The following LRRFIP2 variants were observed in gnomAD, a reference collection of about 807,000 sequenced individuals.
LRRFIP2 encodes leucine-rich repeat flightless-interacting protein 2.
Under a neutral mutation model 125.9 loss-of-function variants are expected in LRRFIP2, and 109 were observed. The observed-to-expected ratio is 0.87, with a 90% CI of 0.74 to 1.01. LRRFIP2 has a LOEUF of 1.01. Among genes scored for constraint, LRRFIP2 ranks in the 50% least tolerant of loss-of-function variants. LRRFIP2 has a pLI of 0.00. For missense variants in LRRFIP2, 850 were observed against 862.3 expected, an observed-to-expected ratio of 0.99 and a Z score of 0.18; for synonymous variants, 291 against 293.1, an observed-to-expected ratio of 0.99 and a Z score of 0.07.
chr3:37,113,972 C>T lies in LRRFIP2; in HGVS notation c.373-992G>A, dbSNP rs79435116. The stretch of plus-strand genomic sequence containing the variant: ...GTAGATAAGAAATCTAATCTAGGTA[C>T]GTACTACTTGCCTGAAATAAGAGAG... On this transcript the variant is annotated intron_variant, in intron 7 of 27. Transcript: ENST00000336686. 8.8e-3 allele frequency among the ~76,000 whole-genome samples: 1,343 copies of T among 152,280 alleles called. 9 individuals are homozygous for T. The highest frequency in any genetic ancestry group is 0.014 in the Non-Finnish European group (938 of 68,024).
chr3:37,146,854 A>T (rs2095867405), intron 2 of LRRFIP2, among the ~76,000 whole-genome samples: 2 of 152,228 alleles, frequency 1.3e-5, no homozygotes, highest in East Asian at 3.8e-4. Context: ...CAAAAGTAAG[A>T]ATTGACAAAT....
At chr3:37,161,179 T>TAA (rs60688555) in intron 1 of LRRFIP2, among the ~76,000 whole-genome samples, 1,532 of 88,084 alleles carry the variant, frequency 0.017, 45 homozygotes, top group African/African-American at 0.049. Flanking sequence ...CCCCATCTAC[T>TAA]AAAAAAAAAA....
In LRRFIP2 at chr3:37,072,873, G is replaced by A. The variant is rs371201638; in HGVS notation, c.1381C>T (p.Arg461Cys). The part of the protein sequence containing the change: ...QRDELIEEKQ[R>C]MQQKIDTMTK... The stretch of plus-strand genomic sequence containing the variant: ...ATGGTGTCTATTTTCTGCTGCATGC[G>A]CTGCTTCTCCTGCAGAGGAAGAGGG... Residue 461 changes from arginine (R) to cysteine (C), a missense_variant, in exon 21 of 28, where the codon CGC becomes TGC. Arg to Cys is a radical substitution (Grantham distance 180). Coordinates refer to ENST00000336686, the MANE Select transcript of LRRFIP2 (RefSeq NM_006309.4). 10 of 1,608,882 alleles carry A rather than the reference G, an allele frequency of 6.2e-6. No individual in the cohort carries two copies. The African/African-American group carries it at 6.7e-5, about 11-fold the overall frequency.
chr3:37,091,364 G>A (rs2093427208), intron 18 of LRRFIP2, 103 bp downstream of exon 18: 1 of 754,874 alleles, frequency 1.3e-6, no homozygotes, highest in Non-Finnish European at 2.1e-6. Context: ...GACAAACACT[G>A]TTAGTAAAGC....
In LRRFIP2 at chr3:37,066,485, CAG is replaced by C. The variant is rs878955635; in HGVS notation, c.1465-162_1465-161del. ...AAACAGTCAGATATGGGAGGAAATA[CAG>C]AGTTACATGGATATACATCTCCAGA... On this transcript the variant is annotated intron_variant, in intron 21 of 27. Transcript: ENST00000336686. The C allele has an allele frequency of 5.8e-4, 373 of 639,214 alleles. 6 individuals are homozygous for C. In the South Asian group the frequency reaches 6.3e-3, roughly 11 times the overall value. The allele number at this position is 639,214 out of a possible 1,614,324, so 39.6% of individuals were successfully genotyped here. A position where few individuals can be genotyped will look rare whatever the true frequency, so the allele number is the denominator to read the frequency against.
chr3:37,162,408 T>G (rs1433541004), intron 1 of LRRFIP2, among the ~76,000 whole-genome samples: 1 of 152,084 alleles, frequency 6.6e-6, no homozygotes, highest in African/African-American at 2.4e-5. Context: ...GCTTCAAGAC[T>G]TTCAAAAGTA....
At chr3:37,134,417 G>C (rs989293083) in intron 2 of LRRFIP2, among the ~76,000 whole-genome samples, 1 of 152,168 alleles carries the variant, frequency 6.6e-6, no homozygotes, top group Admixed American at 6.5e-5. Context: ...TGTGGATTTG[G>C]GGGTGGAACC....
At chr3:37,169,921 C>G (rs183199814) in intron 1 of LRRFIP2, among the ~76,000 whole-genome samples, 3 of 152,178 alleles carry the variant, frequency 2.0e-5, no homozygotes. Context: ...TTACCACTTT[C>G]TTTCACTGCT....
At chr3:37,153,778 C>CT (rs2096098036) in intron 1 of LRRFIP2, among the ~76,000 whole-genome samples, 1 of 151,822 alleles carries the variant, frequency 6.6e-6, no homozygotes, top group Non-Finnish European at 1.5e-5. Context: ...AACTTCCTGT[C>CT]TATCTTCCTT....
At chr3:37,125,120 T>C (rs2095227981) in intron 4 of LRRFIP2, among the ~76,000 whole-genome samples, 1 of 152,192 alleles carries the variant, frequency 6.6e-6, no homozygotes, top group Non-Finnish European at 1.5e-5. Context: ...ATACTCTTTG[T>C]TTTTAAACGT....
intron 2 of LRRFIP2, among the ~76,000 whole-genome samples, chr3:37,145,991 G>T (rs769005440): frequency 1.3e-5 from 2 of 152,186 alleles, no homozygotes; most frequent in African/African-American, 4.8e-5. Flanking sequence ...GCTTAGAATA[G>T]TGTTTGCTAC....
In LRRFIP2 at chr3:37,148,768, T is replaced by G. The variant is rs2095926622; in HGVS notation, c.90+126A>C. 3 of 932,758 alleles carry G rather than the reference T, an allele frequency of 3.2e-6. No homozygotes were observed. The African/African-American group carries it at 5.0e-5, about 15-fold the overall frequency. 57.8% of individuals were successfully genotyped at this position (932,758 alleles called of 1,614,324 possible). ...AACACACTATTTTAGAGACTAGCTA[T>G]AACATCTTGCTCATAATAAACATCT... On this transcript the variant is annotated intron_variant, in intron 2 of 27. Transcript: ENST00000336686.
intron 1 of LRRFIP2, among the ~76,000 whole-genome samples, chr3:37,155,220 C>T (rs1410084219): frequency 6.6e-6 from 1 of 152,122 alleles, no homozygotes; most frequent in Non-Finnish European, 1.5e-5. Flanking sequence ...TAAGAAAAAT[C>T]CAAGCACTTA....
chr3:37,059,797 A>T (rs12489874), intron 24 of LRRFIP2, among the ~76,000 whole-genome samples: 49,622 of 144,860 alleles, frequency 0.34, 9,102 homozygotes, highest in East Asian at 0.59. Context: ...AAAAAAAAAA[A>T]AATAATAATA....
rs536645097 is a variant in LRRFIP2 at position 37,065,949 on chromosome 3, G to T, written c.1567-7C>A. 6 of 1,613,926 alleles carry T rather than the reference G, an allele frequency of 3.7e-6. No individual in the cohort carries two copies. Among genetic ancestry groups the T allele is most frequent in the Non-Finnish European group, 5.1e-6 (6 of 1,179,966 alleles). Reference sequence around the variant, plus strand: ...TTATAACTAAGCCATGTTTCTGCAGGGGGGAAAAACCCACCATCACAAAAG... The same window carrying T: ...TTATAACTAAGCCATGTTTCTGCAGTGGGGAAAAACCCACCATCACAAAAG... On this transcript the variant is annotated splice_region_variant and splice_polypyrimidine_tract_variant and intron_variant, in intron 22 of 27. Coordinates refer to ENST00000336686, the MANE Select transcript of LRRFIP2 (RefSeq NM_006309.4).
chr3:37,158,375 G>A (rs1219754813), intron 1 of LRRFIP2, among the ~76,000 whole-genome samples: 9 of 152,200 alleles, frequency 5.9e-5, no homozygotes, highest in Admixed American at 5.2e-4. Context: ...GGGAGGTCAA[G>A]GCAGGTGGAT....
intron 23 of LRRFIP2, chr3:37,065,571 A>G (rs1559676280): frequency 1.5e-6 from 1 of 656,886 alleles, no homozygotes; most frequent in East Asian, 3.0e-5. Flanking sequence ...ATAGGCCCAT[A>G]GTACTTCCAT....
chr3:37,126,049 GAC>G (rs1223484507), intron 4 of LRRFIP2, among the ~76,000 whole-genome samples: 2 of 151,402 alleles, frequency 1.3e-5, no homozygotes, highest in Admixed American at 1.3e-4. Flanking sequence ...GTTTGTTTGA[GAC>G]ACAGTCTCAC....
intron 2 of LRRFIP2, among the ~76,000 whole-genome samples, chr3:37,137,628 A>G (rs77190921): frequency 0.016 from 2,382 of 152,252 alleles, 70 homozygotes; most frequent in African/African-American, 0.052. Flanking sequence ...CCAAATGTAG[A>G]TAATCTCCTT....
Sources: allele counts gnomAD v4.1 joint callset (sites outside exome capture counted in the v4.1 genomes callset), GRCh38; gene constraint gnomAD v4.1.1; transcripts MANE v1.5; gene names NCBI Gene and HGNC (gene_info 2026-07-23, HGNC 2026-07-21).